Variants in KLF12 observed in about 807,000 individuals in gnomAD.
KLF12 encodes the protein KLF transcription factor 12, also known as Krueppel-like factor 12.
Under a neutral mutation model 37.8 loss-of-function variants are expected in KLF12, and 9 were observed. The observed-to-expected ratio is 0.24, with a 90% CI of 0.14 to 0.42. The LOEUF (loss-of-function observed/expected upper bound fraction) is 0.42, where lower values mean the gene tolerates loss of function less well. Ranked by LOEUF, KLF12 falls within the 10% of genes least tolerant of loss-of-function variation. The pLI is 1.00. For missense variants in KLF12, 411 were observed against 516.0 expected, an observed-to-expected ratio of 0.80 and a Z score of 1.97; for synonymous variants, 208 against 202.1, an observed-to-expected ratio of 1.03 and a Z score of -0.25.
At chr13:74,082,230 G>A (rs1408872965) in intron 1 of KLF12, among the ~76,000 whole-genome samples, 1 of 150,978 alleles carries the variant, frequency 6.6e-6, no homozygotes, top group East Asian at 1.9e-4. Context: ...CTACTTGGGA[G>A]GCTGAGGCAA....
chr13:74,262,337 A>G, the KLF12 span, among the ~76,000 whole-genome samples: 1 of 152,206 alleles, frequency 6.6e-6, no homozygotes, highest in Non-Finnish European at 1.5e-5. Flanking sequence ...AGCCTGAGAC[A>G]TTATAGCTTC....
At chr13:73,994,531 T>C (rs767407969) in intron 2 of KLF12, among the ~76,000 whole-genome samples, 8 of 150,322 alleles carry the variant, frequency 5.3e-5, no homozygotes, top group Non-Finnish European at 8.9e-5. Flanking sequence ...AAGTTTTCCA[T>C]GATGATCCTA....
the KLF12 span, among the ~76,000 whole-genome samples, chr13:74,200,792 T>C: frequency 6.6e-6 from 1 of 152,034 alleles, no homozygotes; most frequent in Admixed American, 6.6e-5. Flanking sequence ...ACTGAGCGAA[T>C]GGCCCTTTCT....
the KLF12 span, among the ~76,000 whole-genome samples, chr13:74,247,720 C>T: frequency 6.6e-6 from 1 of 152,152 alleles, no homozygotes; most frequent in East Asian, 1.9e-4. Context: ...AATCCTCCCA[C>T]CTTGACCTCC....
chr13:74,112,531 A>T (rs1482430145), intron 1 of KLF12, among the ~76,000 whole-genome samples: 10 of 152,018 alleles, frequency 6.6e-5, no homozygotes, highest in Non-Finnish European at 7.4e-5. Context: ...TAATTCTTGC[A>T]ATGTTTCAGA....
At chr13:73,841,096 C>A (rs577170815) in intron 4 of KLF12, among the ~76,000 whole-genome samples, 1 of 152,182 alleles carries the variant, frequency 6.6e-6, no homozygotes, top group Non-Finnish European at 1.5e-5. Flanking sequence ...TACACATGAA[C>A]TGTCACTGCT....
chr13:74,084,207 A>C (rs1003900368), intron 1 of KLF12, among the ~76,000 whole-genome samples: 2 of 152,188 alleles, frequency 1.3e-5, no homozygotes, highest in Admixed American at 6.5e-5. Context: ...ATCAATGATA[A>C]AAGAAAAATT....
intron 1 of KLF12, among the ~76,000 whole-genome samples, chr13:74,064,633 A>C (rs1873802260): frequency 6.6e-6 from 1 of 152,222 alleles, no homozygotes; most frequent in Non-Finnish European, 1.5e-5. Flanking sequence ...TAATAAACAA[A>C]GACACAATGG....
chr13:73,756,519 TAG>T, intron 6 of KLF12, among the ~76,000 whole-genome samples: 2 of 152,314 alleles, frequency 1.3e-5, no homozygotes, highest in Middle Eastern at 3.4e-3. Context: ...TAACTAATGA[TAG>T]AGTGCTTTCA....
chr13:74,304,254 C>T, the KLF12 span, among the ~76,000 whole-genome samples: 14 of 152,260 alleles, frequency 9.2e-5, no homozygotes, highest in Middle Eastern at 3.4e-3. Flanking sequence ...TCCACCTTAT[C>T]CATACTGTTT....
intron 3 of KLF12, among the ~76,000 whole-genome samples, chr13:73,897,031 C>G (rs1318159829): frequency 6.6e-6 from 1 of 152,098 alleles, no homozygotes; most frequent in East Asian, 1.9e-4. Flanking sequence ...TCAGATCTAG[C>G]AAGTCTATCT....
intron 3 of KLF12, among the ~76,000 whole-genome samples, chr13:73,931,180 A>C (rs542961071): frequency 1.3e-5 from 2 of 152,300 alleles, no homozygotes; most frequent in East Asian, 3.9e-4. Context: ...TTCAAATCTG[A>C]AATATTTTAC....
intron 1 of KLF12, among the ~76,000 whole-genome samples, chr13:74,113,419 A>G (rs1009555854): frequency 6.6e-6 from 1 of 152,234 alleles, no homozygotes; most frequent in Non-Finnish European, 1.5e-5. Context: ...CTGTTAGGGA[A>G]TAATGTATCT....
intron 1 of KLF12, among the ~76,000 whole-genome samples, chr13:74,129,132 A>T (rs1246153184): frequency 7.2e-5 from 11 of 152,228 alleles, no homozygotes. Flanking sequence ...CAAGTCCGTT[A>T]TAAAAAATAA....
the KLF12 span, among the ~76,000 whole-genome samples, chr13:74,268,517 T>C: frequency 6.6e-6 from 1 of 152,210 alleles, no homozygotes. Context: ...GGTTTTATCA[T>C]GTACCCTATC....
At chr13:74,093,711 A>C (rs1875808640) in intron 1 of KLF12, among the ~76,000 whole-genome samples, 1 of 151,332 alleles carries the variant, frequency 6.6e-6, no homozygotes, top group South Asian at 2.1e-4. Context: ...GACTCCAAAA[A>C]GAAAAAAATA....
At chr13:74,026,072 T>C (rs1187090979) in intron 1 of KLF12, among the ~76,000 whole-genome samples, 1 of 151,996 alleles carries the variant, frequency 6.6e-6, no homozygotes, top group Non-Finnish European at 1.5e-5. Context: ...CAATGTGAAA[T>C]GTCAATTTCC....
intron 1 of KLF12, among the ~76,000 whole-genome samples, chr13:74,034,135 T>C (rs113082480): frequency 0.048 from 7,372 of 152,264 alleles, 248 homozygotes; most frequent in Non-Finnish European, 0.076. Context: ...GGATCTCAGC[T>C]CACTGCAACC....
chr13:74,001,950 G>A (rs1416751241), intron 1 of KLF12, among the ~76,000 whole-genome samples: 1 of 152,188 alleles, frequency 6.6e-6, no homozygotes, highest in Non-Finnish European at 1.5e-5. Flanking sequence ...TTGCACATCT[G>A]AGCCAAAGAA....
Sources: gnomAD v4.1 joint callset for allele counts (sites outside exome capture counted in the v4.1 genomes callset) on GRCh38, gnomAD v4.1.1 for gene constraint, MANE v1.5 for transcripts, NCBI Gene and HGNC (gene_info 2026-07-23, HGNC 2026-07-21) for gene names.